The following PTPRK variants were observed in gnomAD, a reference collection of about 807,000 sequenced individuals.
PTPRK encodes protein tyrosine phosphatase receptor type K, also known as receptor-type tyrosine-protein phosphatase kappa.
Under a neutral mutation model 178.0 loss-of-function variants are expected in PTPRK, and 75 were observed. That is an observed-to-expected ratio of 0.42 (90% CI 0.35 to 0.51). The LOEUF (loss-of-function observed/expected upper bound fraction) is 0.51. Ranked by LOEUF, PTPRK falls within the 20% of genes least tolerant of loss-of-function variation. PTPRK has a pLI of 0.02. For synonymous variants in PTPRK, 637 were observed against 620.6 expected, an observed-to-expected ratio of 1.03 and a Z score of -0.39; for missense variants, 1,441 against 1,797.8, an observed-to-expected ratio of 0.80 and a Z score of 3.59.
At chr6:128,245,324 A>G (rs2128285954) in intron 3 of PTPRK, among the ~76,000 whole-genome samples, 1 of 152,338 alleles carries the variant, frequency 6.6e-6, no homozygotes, top group East Asian at 1.9e-4. Context: ...TTCCTTTAAA[A>G]GTCTAAAATG....
Position 128,333,948 on chromosome 6 carries a change from G to T in PTPRK, c.224-11638C>A, listed in dbSNP as rs770278170. Among the ~76,000 whole-genome samples the T allele has an allele frequency of 1.4e-4, 22 of 152,120 alleles. 1 individual carries two copies. Among genetic ancestry groups the T allele is most frequent in the Non-Finnish European group, 1.5e-5 (1 of 68,022 alleles). Reference sequence around the variant, plus strand: ...TTAAGTTGATAATTAAAGGGCCACCGTAGGGTTACTAATTGGCTTAATTTC... The same window carrying T: ...TTAAGTTGATAATTAAAGGGCCACCTTAGGGTTACTAATTGGCTTAATTTC... On this transcript the variant is annotated intron_variant, in intron 2 of 29. Coordinates refer to ENST00000368226, the MANE Select transcript of PTPRK (RefSeq NM_002844.4).
At chr6:128,085,024 C>T (rs1785504299) in intron 8 of PTPRK, 1 of 152,012 alleles carries the variant, frequency 6.6e-6, no homozygotes, top group African/African-American at 2.4e-5. Context: ...TGGCTAGGAG[C>T]ATCAAGAAAT....
intron 13 of PTPRK, among the ~76,000 whole-genome samples, chr6:128,038,832 G>A (rs912641727): frequency 1.3e-5 from 2 of 151,894 alleles, no homozygotes; most frequent in Non-Finnish European, 2.9e-5. Context: ...TTTTACAACT[G>A]TCTCTTCATT....
intron 6 of PTPRK, among the ~76,000 whole-genome samples, chr6:128,216,917 G>T (rs1024075999): frequency 1.3e-5 from 2 of 152,060 alleles, no homozygotes; most frequent in Non-Finnish European, 2.9e-5. Flanking sequence ...TAACTATATA[G>T]AACATATATA....
intron 7 of PTPRK, among the ~76,000 whole-genome samples, chr6:128,170,805 A>G (rs539563391): frequency 6.6e-5 from 10 of 152,016 alleles, no homozygotes; most frequent in Non-Finnish European, 1.2e-4. Context: ...CAGAATGTTT[A>G]TATTTCATAT....
At chr6:128,473,325 C>T (rs1341599) in intron 1 of PTPRK, among the ~76,000 whole-genome samples, 2 of 151,410 alleles carry the variant, frequency 1.3e-5, no homozygotes, top group East Asian at 1.9e-4. Context: ...TAGTATCATA[C>T]CTGAAAGCAC....
intron 1 of PTPRK, among the ~76,000 whole-genome samples, chr6:128,410,321 A>G (rs1842158147): frequency 6.6e-6 from 1 of 152,176 alleles, no homozygotes; most frequent in Non-Finnish European, 1.5e-5. Context: ...CTCAACAAGT[A>G]AATATACCCA....
In PTPRK at chr6:127,969,438, G is replaced by C. The variant is rs542212940; in HGVS notation, c.*789C>G. The C allele has an allele frequency of 6.6e-6, 1 of 151,976 alleles. No individual in the cohort carries two copies. The highest frequency in any genetic ancestry group is 1.5e-5 in the Non-Finnish European group (1 of 68,000). 9.4% of individuals were successfully genotyped at this position (151,976 alleles called of 1,614,324 possible). A position where few individuals can be genotyped will look rare whatever the true frequency, so the allele number is the denominator to read the frequency against. On this transcript the variant is annotated 3_prime_UTR_variant, in exon 30 of 30. Coordinates refer to ENST00000368226, the MANE Select transcript of PTPRK (RefSeq NM_002844.4). ...ATCACTATAAAGAACATTGCTTCCT[G>C]GTTTATGAATAAAAAGTTTATCTTC...
At chr6:128,022,771 T>C (rs755144722) in intron 13 of PTPRK, among the ~76,000 whole-genome samples, 1 of 152,214 alleles carries the variant, frequency 6.6e-6, no homozygotes, top group Non-Finnish European at 1.5e-5. Context: ...GCTCTTTCCA[T>C]GGATATCACT....
chr6:128,066,872 A>G (rs532071983), intron 12 of PTPRK, among the ~76,000 whole-genome samples: 25 of 152,160 alleles, frequency 1.6e-4, no homozygotes, highest in African/African-American at 6.0e-4. Context: ...TTCATTTGGG[A>G]TCAGCAGCAG....
chr6:128,400,257 A>G (rs1840851368), intron 1 of PTPRK, among the ~76,000 whole-genome samples: 2 of 152,176 alleles, frequency 1.3e-5, no homozygotes, highest in African/African-American at 4.8e-5. Context: ...TGAGTTACTC[A>G]TAGTGAATAT....
intron 8 of PTPRK, among the ~76,000 whole-genome samples, chr6:128,088,206 C>T (rs1786295723): frequency 6.6e-6 from 1 of 151,884 alleles, no homozygotes; most frequent in Non-Finnish European, 1.5e-5. Flanking sequence ...GGGGAAACCC[C>T]ATCTCTATTA....
chr6:128,324,360 T>C (rs1482525701), intron 2 of PTPRK, among the ~76,000 whole-genome samples: 3 of 152,164 alleles, frequency 2.0e-5, no homozygotes, highest in Non-Finnish European at 4.4e-5. Context: ...ATATGCTTTG[T>C]GTCACATTTT....
At chr6:128,160,527 A>G (rs1798561438) in intron 7 of PTPRK, among the ~76,000 whole-genome samples, 1 of 151,720 alleles carries the variant, frequency 6.6e-6, no homozygotes, top group African/African-American at 2.4e-5. Flanking sequence ...AACACTGAGG[A>G]GGTAGATCAG....
chr6:128,292,795 CTAAT>C (rs1274952008), intron 3 of PTPRK, among the ~76,000 whole-genome samples: 6 of 152,086 alleles, frequency 3.9e-5, no homozygotes, highest in African/African-American at 1.4e-4. Context: ...TATTTATTGA[CTAAT>C]TACTTATAAT....
intron 1 of PTPRK, among the ~76,000 whole-genome samples, chr6:128,407,099 A>T (rs973016534): frequency 6.6e-6 from 1 of 152,132 alleles, no homozygotes; most frequent in Non-Finnish European, 1.5e-5. Context: ...TAATTTGAAA[A>T]TTTCTCCACA....
At chr6:128,011,807 T>A (rs1378895519) in intron 13 of PTPRK, among the ~76,000 whole-genome samples, 1 of 151,014 alleles carries the variant, frequency 6.6e-6, no homozygotes, top group South Asian at 2.1e-4. Flanking sequence ...GTAATTTTTT[T>A]AACATAGATA....
intron 4 of PTPRK, 46 bp downstream of exon 4, chr6:128,242,475 A>T (rs779421320): frequency 6.3e-7 from 1 of 1,590,970 alleles, no homozygotes; most frequent in East Asian, 2.3e-5. Flanking sequence ...ATATAAGGCA[A>T]GTGTGGAAAG....
intron 7 of PTPRK, among the ~76,000 whole-genome samples, chr6:128,167,436 A>C (rs1440693147): frequency 6.6e-6 from 1 of 151,950 alleles, no homozygotes; most frequent in Non-Finnish European, 1.5e-5. Context: ...CTTATATATT[A>C]TTCTAGTTTT....
Sources: gnomAD v4.1 joint callset for allele counts (sites outside exome capture counted in the v4.1 genomes callset) on GRCh38, gnomAD v4.1.1 for gene constraint, MANE v1.5 for transcripts, NCBI Gene and HGNC (gene_info 2026-07-23, HGNC 2026-07-21) for gene names.